SLC22A24: variants seen among roughly 807,000 people sequenced by gnomAD.
SLC22A24 encodes the protein solute carrier family 22 member 24, also known as steroid transmembrane transporter SLC22A24.
In SLC22A24, 53 loss-of-function variants were observed where a neutral mutation model predicts 49.8. The observed-to-expected ratio is 1.06, with a 90% confidence interval of 0.85 to 1.34. The LOEUF (loss-of-function observed/expected upper bound fraction) is 1.34, where lower values mean the gene tolerates loss of function less well. Ranked by LOEUF, SLC22A24 falls within the 40% of genes most tolerant of loss-of-function variation. SLC22A24 has a pLI of 0.00. For missense variants in SLC22A24, 786 were observed against 675.9 expected, an observed-to-expected ratio of 1.16 and a Z score of -1.81; for synonymous variants, 302 against 256.4, an observed-to-expected ratio of 1.18 and a Z score of -1.70.
At chr11:63,129,846 A>G (rs964619041) in intron 2 of SLC22A24, among the ~76,000 whole-genome samples, 6 of 152,170 alleles carry the variant, frequency 3.9e-5, no homozygotes, top group Non-Finnish European at 8.8e-5. Context: ...AGACTTTGCT[A>G]AAGTTGCTTA....
chr11:63,106,350 G>T (rs796981009), intron 4 of SLC22A24, among the ~76,000 whole-genome samples: 5 of 152,016 alleles, frequency 3.3e-5, no homozygotes, highest in African/African-American at 1.2e-4. Flanking sequence ...CATTTAGGTT[G>T]GCTCCAAGTC....
At chr11:63,132,319 C>T (rs961284486) in intron 2 of SLC22A24, among the ~76,000 whole-genome samples, 2 of 152,036 alleles carry the variant, frequency 1.3e-5, no homozygotes, top group African/African-American at 4.8e-5. Flanking sequence ...AGTTTTTTTC[C>T]CTTGCTGGCA....
At chr11:63,101,841 G>A (rs2087093112) in intron 5 of SLC22A24, among the ~76,000 whole-genome samples, 2 of 152,084 alleles carry the variant, frequency 1.3e-5, no homozygotes, top group African/African-American at 4.8e-5. Flanking sequence ...GACACAGAAA[G>A]ATGAACTTTT....
rs1397218034 is a variant in SLC22A24, at chr11:63,143,286, T to A, written c.402+92A>T. On this transcript the variant is annotated intron_variant, in intron 1 of 9. Transcript: ENST00000612278. ...GAATGAGCTGACTGCAGGTCCCATC[T>A]AAGGACTAAAGGTATAAAGCAAGTC... 3.5e-6 allele frequency: 4 copies of A among 1,144,996 alleles called. No homozygotes were observed. In the East Asian group the frequency reaches 1.2e-4, roughly 35 times the overall value. 70.9% of individuals were successfully genotyped at this position (1,144,996 alleles called of 1,614,324 possible). A position where few individuals can be genotyped will look rare whatever the true frequency, so the allele number is the denominator to read the frequency against.
intron 5 of SLC22A24, among the ~76,000 whole-genome samples, chr11:63,098,894 G>A (rs2087071981): frequency 6.6e-6 from 1 of 151,830 alleles, no homozygotes; most frequent in Non-Finnish European, 1.5e-5. Context: ...AAAAAAGAGA[G>A]AAGACTCAAA....
Position 63,141,319 on chromosome 11 carries a change from C to T in SLC22A24, c.402+2059G>A, listed in dbSNP as rs189691649. On this transcript the variant is annotated intron_variant, in intron 1 of 9. Transcript: ENST00000612278. The stretch of plus-strand genomic sequence containing the variant: ...GGTTTTGTTTTCTCCTTTGGGTAAA[C>T]GGCAGGAAATAAAAGGAGGAGAGGG... 3.9e-4 allele frequency among the ~76,000 whole-genome samples: 59 copies of T among 152,162 alleles called. No homozygotes were observed. In the East Asian group the frequency reaches 5.6e-3, roughly 14 times the overall value.
intron 5 of SLC22A24, among the ~76,000 whole-genome samples, chr11:63,098,119 G>A (rs527685743): frequency 7.2e-4 from 110 of 152,070 alleles, no homozygotes; most frequent in Middle Eastern, 3.4e-3. Context: ...ATAATATCAA[G>A]CATCATCTCT....
chr11:63,080,425 G>A (rs989277960), intron 9 of SLC22A24, among the ~76,000 whole-genome samples: 9 of 150,538 alleles, frequency 6.0e-5, no homozygotes, highest in East Asian at 3.9e-4. Flanking sequence ...CAGATACATC[G>A]TTATTTTTGC....
At chr11:63,130,942 A>T (rs921954285) in intron 2 of SLC22A24, among the ~76,000 whole-genome samples, 6 of 151,990 alleles carry the variant, frequency 3.9e-5, no homozygotes, top group African/African-American at 7.2e-5. Flanking sequence ...AACTTGCTTT[A>T]TGAATCTGGG....
chr11:63,110,036 G>A (rs1028079747), intron 4 of SLC22A24, among the ~76,000 whole-genome samples: 4 of 152,084 alleles, frequency 2.6e-5, no homozygotes, highest in Non-Finnish European at 5.9e-5. Flanking sequence ...AAGGTGTAAG[G>A]TAGGGATCCA....
In SLC22A24 at chr11:63,143,582, G is replaced by T; in HGVS notation, c.198C>A (p.Thr66=). The change falls in exon 1 of 10, where the codon ACC becomes ACA. Residue 66 remains threonine (T), a synonymous_variant. Coordinates refer to ENST00000612278, the MANE Select transcript of SLC22A24 (RefSeq NM_001136506.2). ...NDTVSDNDTG[T]LSKDDLLRIS... is the part of the protein sequence containing the mutation. ...TTCTCAGGAGGTCATCCTTGCTGAG[G>T]GTCCCGGTATCATTGTCAGACACAG... 6.4e-7 allele frequency: 1 copy of T among 1,568,188 alleles called. No individual in the cohort carries two copies. Among genetic ancestry groups the T allele is most frequent in the South Asian group, 1.2e-5 (1 of 82,746 alleles).
At chr11:63,104,882 G>A (rs748862826) in intron 4 of SLC22A24, among the ~76,000 whole-genome samples, 5 of 151,922 alleles carry the variant, frequency 3.3e-5, no homozygotes, top group East Asian at 1.9e-4. Flanking sequence ...TAATTTTTTC[G>A]GCATTAGCTC....
In SLC22A24 at chr11:63,096,068, G is replaced by A. The variant is rs1354536159; in HGVS notation, c.993C>T (p.Val331=). 3.2e-6 allele frequency: 5 copies of A among 1,550,816 alleles called. No homozygotes were observed. Among genetic ancestry groups the A allele is most frequent in the Non-Finnish European group, 3.5e-6 (4 of 1,146,396 alleles). The change falls in exon 6 of 10, where the codon GTC becomes GTT. Residue 331 remains valine (V), a synonymous_variant. Transcript: ENST00000612278. ...GGGAAAAAATGGATGTTTTAATTCG[G>A]ACTGCATCCAACTCCTTCTTCATGG... ...RSTMKKELDA[V]RIKTSIFSLF... is the part of the protein sequence containing the mutation.
rs540556555 is a variant in SLC22A24, at chr11:63,114,409, C to G, written c.830+4503G>C. ...GAAGATCTCATGCCATGGTTTTCAG[C>G]TCCATCAGGTCACTTAAGGTCTTCT... On this transcript the variant is annotated intron_variant, in intron 4 of 9. Coordinates refer to ENST00000612278, the MANE Select transcript of SLC22A24 (RefSeq NM_001136506.2). 4.1e-3 allele frequency among the ~76,000 whole-genome samples: 630 copies of G among 152,258 alleles called. 2 individuals are homozygous for G. Among genetic ancestry groups the G allele is most frequent in the Non-Finnish European group, 5.0e-3 (337 of 68,012 alleles).
chr11:63,090,163 A>C (rs188659250), intron 6 of SLC22A24, among the ~76,000 whole-genome samples: 16 of 151,800 alleles, frequency 1.1e-4, no homozygotes, highest in African/African-American at 3.6e-4. Context: ...AGAGCTAACT[A>C]TCCTAAATAT....
Position 63,099,371 on chromosome 11 carries a change from A to ATTTTTTT in SLC22A24, c.955-3272_955-3266dup, listed in dbSNP as rs56708217. Among the ~76,000 whole-genome samples the ATTTTTTT allele has an allele frequency of 4.5e-3, 236 of 52,332 alleles. 39 individuals are homozygous for ATTTTTTT. Among genetic ancestry groups the ATTTTTTT allele is most frequent in the Middle Eastern group, 0.048 (2 of 42 alleles). 34.3% of individuals were successfully genotyped at this position (52,332 alleles called of 152,430 possible). A position where few individuals can be genotyped will look rare whatever the true frequency, so the allele number is the denominator to read the frequency against. On this transcript the variant is annotated intron_variant, in intron 5 of 9. Transcript: ENST00000612278. Reference sequence around the variant, plus strand: ...CCACCACACCTGGCTAATTTTTAAGATTTTTTTTTTTTTTTTTTTTTTTTT... The same window carrying ATTTTTTT: ...CCACCACACCTGGCTAATTTTTAAGATTTTTTTTTTTTTTTTTTTTTTTTTTTTTTTT...
intron 4 of SLC22A24, among the ~76,000 whole-genome samples, chr11:63,104,852 C>G (rs970796404): frequency 1.5e-4 from 23 of 152,262 alleles, no homozygotes; most frequent in Admixed American, 1.4e-3. Flanking sequence ...TTATGCCTTC[C>G]CAACAGTCCC....
At chr11:63,109,168 A>C (rs2087144125) in intron 4 of SLC22A24, among the ~76,000 whole-genome samples, 1 of 150,150 alleles carries the variant, frequency 6.7e-6, no homozygotes, top group Non-Finnish European at 1.5e-5. Flanking sequence ...CCTACAAAGG[A>C]CATGAACTCA....
chr11:63,109,927 C>A (rs1358863901), intron 4 of SLC22A24, among the ~76,000 whole-genome samples: 2 of 152,086 alleles, frequency 1.3e-5, no homozygotes, highest in African/African-American at 4.8e-5. Context: ...TTGCCCATGC[C>A]TATGTCCTGA....
Sources: gnomAD v4.1 joint callset for allele counts (sites outside exome capture counted in the v4.1 genomes callset) on GRCh38, gnomAD v4.1.1 for gene constraint, MANE v1.5 for transcripts, NCBI Gene and HGNC (gene_info 2026-07-23, HGNC 2026-07-21) for gene names.